Variants in ECT2L observed in about 807,000 individuals in gnomAD.
ECT2L encodes the protein epithelial cell transforming 2 like, also known as epithelial cell-transforming sequence 2 oncogene-like.
ECT2L carries 126 observed loss-of-function variants against 122.8 expected under a neutral mutation model. That is an observed-to-expected ratio of 1.03 (90% CI 0.89 to 1.19). ECT2L has a LOEUF of 1.19. ECT2L is among the 50% of genes most tolerant of loss of function. The probability of loss-of-function intolerance (pLI) is 0.00; values close to 1 mark genes in which losing one functional copy is unlikely to be tolerated. For synonymous variants in ECT2L, 385 were observed against 381.8 expected (o/e 1.01, Z -0.10); for missense variants, 1,012 against 1,064.1 (o/e 0.95, Z 0.68).
At chr6:138,838,251 T>C (rs998731733) in intron 4 of ECT2L, 101 bp from the exon 5 acceptor site, 2 of 1,087,006 alleles carry the variant, frequency 1.8e-6, no homozygotes, top group Non-Finnish European at 2.5e-6. Flanking sequence ...TTATTTTTTA[T>C]AGGTAGAACA....
At chr6:138,849,243 C>G (rs1199401819) in intron 8 of ECT2L, 26 bp from the exon 9 acceptor site, 1 of 1,576,176 alleles carries the variant, frequency 6.3e-7, no homozygotes, top group Non-Finnish European at 8.6e-7. Flanking sequence ...GGTCTTGGCT[C>G]TTACAGCTTT....
intron 20 of ECT2L, among the ~76,000 whole-genome samples, chr6:138,899,799 C>G (rs1779336243): frequency 6.6e-6 from 1 of 151,764 alleles, no homozygotes; most frequent in Non-Finnish European, 1.5e-5. Flanking sequence ...CTTCACTTAG[C>G]CACCCCTGGT....
intron 1 of ECT2L, among the ~76,000 whole-genome samples, chr6:138,810,456 G>A (rs545799577): frequency 2.0e-5 from 3 of 152,278 alleles, no homozygotes; most frequent in African/African-American, 4.8e-5. Context: ...AGCCTGATAC[G>A]CTCAAAATAT....
chr6:138,861,510 C>T (rs747621537), intron 10 of ECT2L, among the ~76,000 whole-genome samples: 17 of 152,084 alleles, frequency 1.1e-4, no homozygotes, highest in East Asian at 3.9e-4. Context: ...ATGTGTTTGA[C>T]GGCCGCATAA....
In ECT2L at chr6:138,856,301, C is replaced by T. The variant is rs186712465; in HGVS notation, c.1198+2147C>T. The stretch of plus-strand genomic sequence containing the variant: ...GTGATCTCGGCTCACTGCAACCTTC[C>T]GCCTCCCGGGCTCAAGCGATTCTTC... On this transcript the variant is annotated intron_variant, in intron 10 of 21. Coordinates refer to ENST00000541398, the MANE Select transcript of ECT2L (RefSeq NM_001077706.3). Among the ~76,000 whole-genome samples the T allele has an allele frequency of 8.9e-4, 134 of 150,386 alleles. 1 individual carries two copies. Among genetic ancestry groups the T allele is most frequent in the African/African-American group, 3.1e-3 (125 of 40,914 alleles).
At position 138,843,162 on chromosome 6, in the gene ECT2L, G is replaced by A. The variant is rs1162841756; in HGVS notation, c.526G>A (p.Glu176Lys). The change falls in exon 6 of 22, where the codon GAA (glutamate) becomes AAA (lysine). Residue 176 changes from glutamate to lysine, a missense_variant. Glu to Lys is a moderately conservative substitution (Grantham distance 56). Coordinates refer to ENST00000541398, the MANE Select transcript of ECT2L (RefSeq NM_001077706.3). ...TLNEPKTEDE[E>K]LLERQREKCL... ...GAATGAACCCAAAACAGAAGATGAG[G>A]AACTACTGGAGAGACAAAGAGAAAA... The A allele has an allele frequency of 3.7e-6, 6 of 1,613,776 alleles. No homozygotes were observed. In the African/African-American group the frequency reaches 6.7e-5, roughly 18 times the overall value.
At chr6:138,901,616 A>T (rs2128416076) in intron 21 of ECT2L, among the ~76,000 whole-genome samples, 1 of 152,338 alleles carries the variant, frequency 6.6e-6, no homozygotes, top group East Asian at 1.9e-4. Flanking sequence ...ATGCTTGGTA[A>T]ATTATTCACA....
At chr6:138,872,241 A>G (rs1778282321) in intron 13 of ECT2L, among the ~76,000 whole-genome samples, 1 of 152,210 alleles carries the variant, frequency 6.6e-6, no homozygotes, top group Non-Finnish European at 1.5e-5. Context: ...TATTTTCAGG[A>G]AACTTCTCAG....
At position 138,873,566 on chromosome 6, in the gene ECT2L, G is replaced by A. The variant is rs530698667; in HGVS notation, c.1579-2906G>A. Among the ~76,000 whole-genome samples, 5 of 152,344 alleles carry A rather than the reference G, an allele frequency of 3.3e-5. No individual in the cohort carries two copies. The East Asian group carries it at 7.7e-4, about 23-fold the overall frequency. ...CCCGGCACTTTGGGAGGCCGAGGTG[G>A]GTGGATCACCTGAGGTCAGGAGTTT... is the stretch of plus-strand genomic sequence containing the variant. On this transcript the variant is annotated intron_variant, in intron 13 of 21. Coordinates refer to ENST00000541398, the MANE Select transcript of ECT2L (RefSeq NM_001077706.3).
intron 1 of ECT2L, among the ~76,000 whole-genome samples, chr6:138,806,511 C>CTTTTTTTTT (rs57786220): frequency 0.022 from 1,979 of 89,540 alleles, 256 homozygotes; most frequent in Middle Eastern, 0.032. Flanking sequence ...AAAATTCACG[C>CTTTTTTTTT]TTTTTTTTTT....
At chr6:138,803,886 G>A (rs1242873740) in intron 1 of ECT2L, among the ~76,000 whole-genome samples, 2 of 152,202 alleles carry the variant, frequency 1.3e-5, no homozygotes, top group Non-Finnish European at 2.9e-5. Context: ...CACTGCAAAT[G>A]TCTGTCTTAT....
intron 4 of ECT2L, among the ~76,000 whole-genome samples, chr6:138,835,816 T>C (rs1776816033): frequency 6.6e-6 from 1 of 152,226 alleles, no homozygotes; most frequent in African/African-American, 2.4e-5. Flanking sequence ...ATGTCCTTTA[T>C]AATCACCCTT....
intron 13 of ECT2L, among the ~76,000 whole-genome samples, chr6:138,876,130 A>G (rs1778442460): frequency 6.6e-6 from 1 of 152,044 alleles, no homozygotes; most frequent in South Asian, 2.1e-4. Flanking sequence ...AAAAAGAAAA[A>G]AAAAAAAAGA....
Position 138,838,380 on chromosome 6 carries a change from A to T in ECT2L, c.208A>T (p.Met70Leu), listed in dbSNP as rs543235657. The T allele has an allele frequency of 3.5e-5, 56 of 1,610,456 alleles. No homozygotes were observed. In the East Asian group the frequency reaches 1.2e-3, roughly 35 times the overall value. Reference sequence around the variant, plus strand: ...TGTCCAAGACTGGTTTTCAGAAAGGATGCAAGTGGCCAAAGTGGACTTCTC... The same window carrying T: ...TGTCCAAGACTGGTTTTCAGAAAGGTTGCAAGTGGCCAAAGTGGACTTCTC... ...RFVQDWFSER[M>L]QVAKVDFSTV... The change falls in exon 5 of 22, where the codon ATG becomes TTG. Residue 70 changes from methionine to leucine, a missense_variant. Coordinates refer to ENST00000541398, the MANE Select transcript of ECT2L (RefSeq NM_001077706.3).
intron 4 of ECT2L, among the ~76,000 whole-genome samples, chr6:138,826,046 G>T (rs17067938): frequency 0.074 from 11,274 of 152,250 alleles, 722 homozygotes; most frequent in East Asian, 0.27. Flanking sequence ...CGCCTGTTCA[G>T]CTATCCCCGT....
At chr6:138,830,580 G>A (rs1005431129) in intron 4 of ECT2L, among the ~76,000 whole-genome samples, 8 of 152,112 alleles carry the variant, frequency 5.3e-5, no homozygotes, top group Admixed American at 3.3e-4. Context: ...TTTTAAGTCC[G>A]TATAGCTGCC....
intron 4 of ECT2L, chr6:138,822,674 T>C: frequency 7.4e-7 from 1 of 1,353,986 alleles, no homozygotes; most frequent in Non-Finnish European, 1.0e-6. Flanking sequence ...TAGGAACAGC[T>C]CCGGTCTACA....
At chr6:138,867,602 G>C (rs1349625230) in intron 12 of ECT2L, among the ~76,000 whole-genome samples, 1 of 148,942 alleles carries the variant, frequency 6.7e-6, no homozygotes, top group East Asian at 2.0e-4. Flanking sequence ...TTGAGGTCAG[G>C]AGTTCAAGAC....
At chr6:138,847,523 A>G (rs907122529) in intron 8 of ECT2L, among the ~76,000 whole-genome samples, 1 of 146,744 alleles carries the variant, frequency 6.8e-6, no homozygotes, top group East Asian at 2.0e-4. Context: ...GGCGCCCGCC[A>G]CCATGCCCGG....
Sources: gnomAD v4.1 joint callset for allele counts (sites outside exome capture counted in the v4.1 genomes callset) on GRCh38, gnomAD v4.1.1 for gene constraint, MANE v1.5 for transcripts, NCBI Gene and HGNC (gene_info 2026-07-23, HGNC 2026-07-21) for gene names.